Variants in TEN1 observed in about 807,000 individuals in gnomAD.
The protein encoded by TEN1 is CST complex subunit TEN1.
A neutral mutation model predicts 9.3 loss-of-function variants in TEN1; 6 were observed. The ratio of observed to expected loss-of-function variants is 0.65; its 90% CI spans 0.35 to 1.27. The LOEUF is 1.27. TEN1 is among the 50% of genes most tolerant of loss of function. The pLI is 0.03. For missense variants in TEN1, 149 were observed against 158.2 expected, an observed-to-expected ratio of 0.94 and a Z score of 0.31; for synonymous variants, 65 against 65.6, an observed-to-expected ratio of 0.99 and a Z score of 0.04.
chr17:75,994,399 A>G (rs1598216093), intron 3 of TEN1, among the ~76,000 whole-genome samples: 1 of 149,216 alleles, frequency 6.7e-6, no homozygotes, highest in South Asian at 2.1e-4. Flanking sequence ...GCACCATTGC[A>G]CTCCAGCCTG....
chr17:75,983,312 A>G (rs1205337709), intron 1 of TEN1, among the ~76,000 whole-genome samples: 1 of 152,096 alleles, frequency 6.6e-6, no homozygotes, highest in African/African-American at 2.4e-5. Flanking sequence ...AGAAAAATGT[A>G]TAATCATTAT....
At chr17:75,994,422 A>C (rs2066206286) in intron 3 of TEN1, among the ~76,000 whole-genome samples, 1 of 145,142 alleles carries the variant, frequency 6.9e-6, no homozygotes, top group Non-Finnish European at 1.5e-5. Flanking sequence ...CAACAAGAGC[A>C]AAACTCCGTC....
chr17:75,991,760 C>G, intron 3 of TEN1, 137 bp downstream of exon 3: 1 of 1,110,064 alleles, frequency 9.0e-7, no homozygotes, highest in South Asian at 1.6e-5. Context: ...AATTAGCCCA[C>G]AAGTTCAACA....
intron 3 of TEN1, among the ~76,000 whole-genome samples, chr17:75,997,489 C>T (rs1199395792): frequency 6.6e-6 from 1 of 152,126 alleles, no homozygotes; most frequent in Non-Finnish European, 1.5e-5. Context: ...GCCGTTCTTC[C>T]TCCTACCATC....
intron 2 of TEN1, among the ~76,000 whole-genome samples, chr17:75,987,916 CAAAA>C (rs34957837): frequency 0.11 from 5,556 of 51,202 alleles, 558 homozygotes; most frequent in African/African-American, 0.34. Flanking sequence ...GACTCCATCT[CAAAA>C]AAAAAAAAAA....
chr17:75,998,354 C>A (rs893179148), intron 3 of TEN1, among the ~76,000 whole-genome samples: 1 of 151,906 alleles, frequency 6.6e-6, no homozygotes, highest in Non-Finnish European at 1.5e-5. Context: ...GCTTGTTGGC[C>A]AGGCTGGTCT....
At chr17:75,998,815 C>G (rs1265893681) in intron 3 of TEN1, among the ~76,000 whole-genome samples, 1 of 152,084 alleles carries the variant, frequency 6.6e-6, no homozygotes, top group Non-Finnish European at 1.5e-5. Flanking sequence ...CTCAGCCTCC[C>G]GAGTAGCTGG....
chr17:75,992,506 T>C (rs2144356869), intron 3 of TEN1, among the ~76,000 whole-genome samples: 1 of 151,866 alleles, frequency 6.6e-6, no homozygotes, highest in Admixed American at 6.6e-5. Flanking sequence ...AACTCAGCCT[T>C]ACTTCTGATT....
intron 1 of TEN1, among the ~76,000 whole-genome samples, chr17:75,983,345 G>A (rs180706178): frequency 2.0e-5 from 3 of 152,260 alleles, no homozygotes. Context: ...CTCCCTCGGT[G>A]AGAATTGCAT....
At chr17:75,989,008 T>C (rs952801201) in intron 2 of TEN1, among the ~76,000 whole-genome samples, 6 of 152,152 alleles carry the variant, frequency 3.9e-5, no homozygotes, top group African/African-American at 1.4e-4. Flanking sequence ...CCTGACCTTG[T>C]AATCCACCCG....
At chr17:75,985,898 T>A (rs2066149270) in intron 1 of TEN1, among the ~76,000 whole-genome samples, 1 of 151,614 alleles carries the variant, frequency 6.6e-6, no homozygotes, top group African/African-American at 2.4e-5. Context: ...TTATATATAT[T>A]TTTTATTATA....
chr17:75,991,833 GGT>G (rs1375725186), intron 3 of TEN1, among the ~76,000 whole-genome samples: 2 of 152,142 alleles, frequency 1.3e-5, no homozygotes, highest in Non-Finnish European at 2.9e-5. Flanking sequence ...CAGGGTGGCT[GGT>G]CAGGAGTTCG....
chr17:75,980,626 T>C (rs1252176573), intron 1 of TEN1, among the ~76,000 whole-genome samples: 1 of 152,166 alleles, frequency 6.6e-6, no homozygotes, highest in African/African-American at 2.4e-5. Context: ...GATTTTGCCA[T>C]GTTGGCCAGG....
At chr17:75,990,021 ACAGATGTGAG>A (rs1165240876) in intron 2 of TEN1, among the ~76,000 whole-genome samples, 1 of 151,630 alleles carries the variant, frequency 6.6e-6, no homozygotes, top group African/African-American at 2.4e-5. Flanking sequence ...TGCTGGGATT[ACAGATGTGAG>A]CCACCATGCC....
intron 1 of TEN1, among the ~76,000 whole-genome samples, chr17:75,983,899 A>C (rs949897397): frequency 1.3e-5 from 2 of 152,102 alleles, no homozygotes; most frequent in African/African-American, 4.8e-5. Context: ...AGATATCTCC[A>C]AAGGCCAATC....
intron 3 of TEN1, among the ~76,000 whole-genome samples, chr17:75,991,962 A>G (rs1054770551): frequency 6.7e-6 from 1 of 149,842 alleles, no homozygotes; most frequent in Non-Finnish European, 1.5e-5. Flanking sequence ...CAGGAGAATC[A>G]CTTGCACCAG....
chr17:75,984,405 TTTTG>T (rs1166226684), intron 1 of TEN1, among the ~76,000 whole-genome samples: 1 of 152,178 alleles, frequency 6.6e-6, no homozygotes, highest in East Asian at 1.9e-4. Context: ...TTAAATTTAA[TTTTG>T]TTTTTGTGAG....
intron 2 of TEN1, 108 bp from the exon 3 acceptor site, chr17:75,991,358 G>T (rs909741092): frequency 2.5e-6 from 3 of 1,198,238 alleles, no homozygotes; most frequent in African/African-American, 3.0e-5. Flanking sequence ...TCTGTGATGA[G>T]ACTGAGGCTG....
chr17:75,983,002 C>T (rs1049995469), intron 1 of TEN1, among the ~76,000 whole-genome samples: 4 of 150,626 alleles, frequency 2.7e-5, no homozygotes, highest in Non-Finnish European at 5.9e-5. Context: ...AGGAAGAGGC[C>T]CGGTGAGGTG....
Sources: gnomAD v4.1 joint callset for allele counts (sites outside exome capture counted in the v4.1 genomes callset) on GRCh38, gnomAD v4.1.1 for gene constraint, MANE v1.5 for transcripts, NCBI Gene and HGNC (gene_info 2026-07-23, HGNC 2026-07-21) for gene names.